The following HDX variants were observed in gnomAD, a reference collection of about 807,000 sequenced individuals.
The protein encoded by HDX is highly divergent homeobox, also known as chromosome X open reading frame 43.
HDX carries 19 observed loss-of-function variants against 45.2 expected under a neutral mutation model. That is an observed-to-expected ratio of 0.42 (90% CI 0.29 to 0.62). The LOEUF (loss-of-function observed/expected upper bound fraction) is 0.62, where lower values mean the gene tolerates loss of function less well. HDX is among the 20% of genes least tolerant of loss of function. HDX has a pLI of 0.20. For missense variants in HDX, 532 were observed against 493.9 expected (o/e 1.08, Z -0.73); for synonymous variants, 188 against 172.8 (o/e 1.09, Z -0.69).
intron 5 of HDX, among the ~76,000 whole-genome samples, chrX:84,413,629 T>C (rs1026791863): frequency 7.2e-5 from 8 of 111,398 alleles, no homozygotes; most frequent in Non-Finnish European, 1.3e-4. Context: ...TTGTTAACTA[T>C]TTTTTTTAGG....
chrX:84,379,464 G>A (rs778988659), intron 5 of HDX, among the ~76,000 whole-genome samples: 1 of 110,688 alleles, frequency 9.0e-6, no homozygotes, highest in African/African-American at 3.3e-5. Context: ...CATTTTCAAG[G>A]ATAGACCATA....
At chrX:84,405,132 A>C (rs1413940501) in intron 5 of HDX, among the ~76,000 whole-genome samples, 1 of 110,962 alleles carries the variant, frequency 9.0e-6, no homozygotes, top group Non-Finnish European at 1.9e-5. Flanking sequence ...GTTTTAATTC[A>C]AACATCAATC....
At chrX:84,338,865 G>T (rs1449516300) in intron 7 of HDX, among the ~76,000 whole-genome samples, 1 of 110,707 alleles carries the variant, frequency 9.0e-6, no homozygotes, top group African/African-American at 3.3e-5. Context: ...GAGATCTGGT[G>T]TTGAAAGTGT....
intron 6 of HDX, among the ~76,000 whole-genome samples, chrX:84,355,238 G>C (rs192708540): frequency 8.6e-4 from 95 of 109,916 alleles, no homozygotes; most frequent in Non-Finnish European, 1.1e-3. Context: ...AAAATATGTT[G>C]ATTCTATCAA....
At position 84,318,939 on chromosome X, in the gene HDX, A is replaced by G. The variant is rs937523739; in HGVS notation, c.*2950T>C. 2 of 110,655 alleles carry G rather than the reference A, an allele frequency of 1.8e-5. No homozygotes were observed. Among genetic ancestry groups the G allele is most frequent in the Non-Finnish European group, 3.8e-5 (2 of 52,434 alleles). The allele number at this position is 110,655 out of a possible 1,213,427, so 9.1% of individuals were successfully genotyped here. The stretch of plus-strand genomic sequence containing the variant: ...ATGTGCTAATTTTCCTATTCTCCAG[A>G]GCAATTGCAATTCTCATTTTCTTGT... On this transcript the variant is annotated 3_prime_UTR_variant, in exon 11 of 11. Transcript: ENST00000373177.
At chrX:84,446,039 A>G (rs1026182507) in intron 4 of HDX, among the ~76,000 whole-genome samples, 13 of 111,787 alleles carry the variant, frequency 1.2e-4, no homozygotes, top group African/African-American at 4.2e-4. Flanking sequence ...AGGTACTCAG[A>G]TGTAACATTA....
intron 3 of HDX, among the ~76,000 whole-genome samples, chrX:84,472,105 T>TAA (rs776008488): frequency 6.8e-5 from 7 of 103,645 alleles, no homozygotes; most frequent in Non-Finnish European, 1.4e-4. Flanking sequence ...CTGGGCCACT[T>TAA]AAAAAAAAAA....
chrX:84,474,467 A>G (rs1384716776), intron 3 of HDX, among the ~76,000 whole-genome samples: 12 of 111,758 alleles, frequency 1.1e-4, no homozygotes, highest in Non-Finnish European at 1.9e-5. Context: ...GTACATCGAA[A>G]GCAAACTAAA....
At position 84,457,390 on chromosome X, in the gene HDX, A is replaced by G. The variant is rs2040135064; in HGVS notation, c.1251+11082T>C. Among the ~76,000 whole-genome samples the G allele has an allele frequency of 2.7e-5, 3 of 111,698 alleles. No homozygotes were observed. The Admixed American group carries it at 2.9e-4, about 11-fold the overall frequency. On this transcript the variant is annotated intron_variant, in intron 4 of 10. Coordinates refer to ENST00000373177, the MANE Select transcript of HDX (RefSeq NM_001177479.2). Reference sequence around the variant, plus strand: ...GAAATGTACTTTTAGTTCACCTCGGAAAAATAACACATATTGTACTCCATA... The same window carrying G: ...GAAATGTACTTTTAGTTCACCTCGGGAAAATAACACATATTGTACTCCATA...
intron 1 of HDX, among the ~76,000 whole-genome samples, chrX:84,501,880 G>A (rs1368426754): frequency 9.2e-6 from 1 of 109,191 alleles, no homozygotes; most frequent in Non-Finnish European, 1.9e-5. Context: ...TCTCCTCACA[G>A]TGACCCACCC....
chrX:84,447,299 A>G (rs1158061626), intron 4 of HDX, among the ~76,000 whole-genome samples: 1 of 111,761 alleles, frequency 8.9e-6, no homozygotes, highest in Non-Finnish European at 1.9e-5. Flanking sequence ...TAGATCACCT[A>G]ATAGAGAAGG....
chrX:84,427,495 G>T (rs147413267), intron 5 of HDX, among the ~76,000 whole-genome samples: 4,842 of 110,576 alleles, frequency 0.044, 258 homozygotes, highest in African/African-American at 0.15. Context: ...ACCAGTCAAT[G>T]AATGATTATG....
In HDX at chrX:84,469,213, A is replaced by G; in HGVS notation, c.510T>C (p.Gly170=). 1 of 1,210,575 alleles carries G rather than the reference A, an allele frequency of 8.3e-7. No individual in the cohort carries two copies. Among genetic ancestry groups the G allele is most frequent in the Non-Finnish European group, 1.1e-6 (1 of 894,830 alleles). ...AHCKNASLLL[G]EKTIILSRQT... ...GTCTTGACAAAATAATTGTTTTTTC[A>G]CCTAGGAGTAGGGAAGCATTTTTAC... Residue 170 remains glycine, a synonymous_variant, in exon 4 of 11, where the codon GGT becomes GGC. Transcript: ENST00000373177.
At chrX:84,424,126 G>T (rs1250899739) in intron 5 of HDX, among the ~76,000 whole-genome samples, 1 of 111,258 alleles carries the variant, frequency 9.0e-6, no homozygotes, top group Non-Finnish European at 1.9e-5. Context: ...TGAAGTTACA[G>T]GATACAACAT....
chrX:84,403,240 A>T (rs1460981196), intron 5 of HDX, among the ~76,000 whole-genome samples: 3 of 111,023 alleles, frequency 2.7e-5, no homozygotes, highest in African/African-American at 9.8e-5. Context: ...AAACATTCTA[A>T]ATCTAAATAA....
intron 5 of HDX, among the ~76,000 whole-genome samples, chrX:84,424,018 A>G (rs1251706962): frequency 9.0e-6 from 1 of 111,619 alleles, no homozygotes; most frequent in Non-Finnish European, 1.9e-5. Flanking sequence ...TTGGATTGGA[A>G]GAAGTCAAAT....
At chrX:84,367,412 AT>A (rs2037785405) in intron 5 of HDX, among the ~76,000 whole-genome samples, 1 of 112,199 alleles carries the variant, frequency 8.9e-6, no homozygotes, top group Non-Finnish European at 1.9e-5. Context: ...GGGAGTGTAA[AT>A]TAGTTCAACC....
chrX:84,423,277 A>AAACT (rs984019103), intron 5 of HDX, among the ~76,000 whole-genome samples: 3 of 110,388 alleles, frequency 2.7e-5, no homozygotes, highest in Non-Finnish European at 5.7e-5. Context: ...AAAAACAAAC[A>AAACT]AACTAACTAA....
chrX:84,415,087 G>A (rs2039072686), intron 5 of HDX, among the ~76,000 whole-genome samples: 1 of 112,024 alleles, frequency 8.9e-6, no homozygotes, highest in South Asian at 3.7e-4. Context: ...AAGAGTGGCA[G>A]CATATACTCA....
Sources: allele counts gnomAD v4.1 joint callset (sites outside exome capture counted in the v4.1 genomes callset), GRCh38; gene constraint gnomAD v4.1.1; transcripts MANE v1.5; gene names NCBI Gene and HGNC (gene_info 2026-07-23, HGNC 2026-07-21).